The following ESRRG variants were observed in gnomAD, a reference collection of about 807,000 sequenced individuals.
ESRRG encodes the protein estrogen-related receptor gamma.
A neutral mutation model predicts 44.0 loss-of-function variants in ESRRG; 13 were observed. The observed-to-expected ratio is 0.30, with a 90% confidence interval of 0.19 to 0.47. The LOEUF is 0.47. ESRRG is among the 20% of genes least tolerant of loss of function. The pLI, the probability that ESRRG is intolerant of heterozygous loss-of-function variation, is 1.00. For synonymous variants in ESRRG, 215 were observed against 214.6 expected (o/e 1.00, Z -0.02); for missense variants, 395 against 580.6 (o/e 0.68, Z 3.29).
chr1:217,133,181 C>G (rs1418115356), intron 1 of ESRRG, among the ~76,000 whole-genome samples: 3 of 152,226 alleles, frequency 2.0e-5, no homozygotes, highest in Non-Finnish European at 2.9e-5. Context: ...GAGAGCTGAG[C>G]GAGTGAGTCT....
chr1:216,763,168 T>A (rs187221920), intron 2 of ESRRG, among the ~76,000 whole-genome samples: 1 of 152,270 alleles, frequency 6.6e-6, no homozygotes, highest in Admixed American at 6.5e-5. Context: ...ATTTCCTCAA[T>A]TCTACATTTT....
chr1:217,043,906 CACT>C (rs772024763), intron 1 of ESRRG, among the ~76,000 whole-genome samples: 59 of 151,726 alleles, frequency 3.9e-4, no homozygotes, highest in South Asian at 6.3e-4. Context: ...TCCCTAATAC[CACT>C]ACCCAGAGCT....
chr1:216,842,736 A>G (rs1038104708), intron 2 of ESRRG, among the ~76,000 whole-genome samples: 2 of 152,212 alleles, frequency 1.3e-5, no homozygotes, highest in Non-Finnish European at 2.9e-5. Context: ...ATTGGCAGGA[A>G]AGCAATACTA....
intron 2 of ESRRG, among the ~76,000 whole-genome samples, chr1:216,932,889 T>C (rs1179947842): frequency 1.3e-5 from 2 of 151,876 alleles, no homozygotes; most frequent in Non-Finnish European, 2.9e-5. Context: ...TTTTTTTAGA[T>C]CCACAGACAA....
intron 2 of ESRRG, among the ~76,000 whole-genome samples, chr1:216,793,812 C>T (rs1463914333): frequency 6.6e-6 from 1 of 152,154 alleles, no homozygotes; most frequent in Admixed American, 6.6e-5. Flanking sequence ...GGAGCCACAT[C>T]TTATTCATCT....
intron 3 of ESRRG, among the ~76,000 whole-genome samples, chr1:216,611,057 G>C (rs1269398151): frequency 2.0e-5 from 3 of 151,804 alleles, no homozygotes; most frequent in Non-Finnish European, 2.9e-5. Flanking sequence ...ACAAAAATTA[G>C]CTGGGCGTAG....
chr1:216,817,199 TCTC>T (rs1443195650), intron 2 of ESRRG, among the ~76,000 whole-genome samples: 1 of 152,142 alleles, frequency 6.6e-6, no homozygotes, highest in Non-Finnish European at 1.5e-5. Context: ...AATGAACTCT[TCTC>T]CTTTCTACAA....
intron 2 of ESRRG, among the ~76,000 whole-genome samples, chr1:216,923,308 C>T (rs746846986): frequency 2.0e-5 from 3 of 152,210 alleles, no homozygotes; most frequent in Admixed American, 6.5e-5. Context: ...GAAACAGAAC[C>T]CCTCTGCTTT....
chr1:216,619,468 T>A (rs750068658), intron 3 of ESRRG, among the ~76,000 whole-genome samples: 4 of 152,180 alleles, frequency 2.6e-5, no homozygotes, highest in Non-Finnish European at 4.4e-5. Context: ...TAAGATCTCT[T>A]ACCTTCATTG....
chr1:216,544,294 A>G (rs2053787724), intron 5 of ESRRG, among the ~76,000 whole-genome samples: 1 of 152,116 alleles, frequency 6.6e-6, no homozygotes, highest in Non-Finnish European at 1.5e-5. Flanking sequence ...AACATGTTTT[A>G]AAGATTTTAG....
At chr1:216,521,954 G>T (rs573367112) in intron 5 of ESRRG, among the ~76,000 whole-genome samples, 8 of 152,216 alleles carry the variant, frequency 5.3e-5, no homozygotes, top group African/African-American at 1.2e-4. Flanking sequence ...GCACGCTAGC[G>T]ACATTTACGT....
intron 5 of ESRRG, among the ~76,000 whole-genome samples, chr1:216,530,564 C>A (rs955484166): frequency 1.3e-5 from 2 of 152,086 alleles, no homozygotes; most frequent in Admixed American, 6.6e-5. Context: ...CTCACCTACA[C>A]GCACATTAAG....
At chr1:216,846,916 G>T (rs1172679329) in intron 2 of ESRRG, among the ~76,000 whole-genome samples, 1 of 151,576 alleles carries the variant, frequency 6.6e-6, no homozygotes, top group East Asian at 1.9e-4. Context: ...TAATTCAGAT[G>T]CAGAAAGCAA....
At chr1:216,913,927 G>C (rs2060809290) in intron 2 of ESRRG, among the ~76,000 whole-genome samples, 1 of 152,118 alleles carries the variant, frequency 6.6e-6, no homozygotes, top group South Asian at 2.1e-4. Context: ...AGGATGAGGA[G>C]AAAATTTTTA....
intron 1 of ESRRG, among the ~76,000 whole-genome samples, chr1:216,984,061 G>T (rs143958888): frequency 6.6e-6 from 1 of 151,704 alleles, no homozygotes. Context: ...GGGGGGGTAT[G>T]TGGAGGCTCA....
chr1:217,070,007 G>T (rs1405526969), intron 1 of ESRRG, among the ~76,000 whole-genome samples: 2 of 152,106 alleles, frequency 1.3e-5, no homozygotes, highest in African/African-American at 4.8e-5. Flanking sequence ...ACAAAGATGT[G>T]ACTCTCCTCC....
chr1:216,592,279 T>C (rs1391336487), intron 3 of ESRRG, among the ~76,000 whole-genome samples: 1 of 152,186 alleles, frequency 6.6e-6, no homozygotes, highest in Admixed American at 6.5e-5. Flanking sequence ...ATCCTTTGAA[T>C]ATCTTTATTT....
At chr1:216,604,433 G>T (rs997132348) in intron 3 of ESRRG, among the ~76,000 whole-genome samples, 3 of 152,092 alleles carry the variant, frequency 2.0e-5, no homozygotes, top group African/African-American at 7.2e-5. Flanking sequence ...CAATGTCAGG[G>T]CAATGGGTCT....
At chr1:217,115,959 T>A (rs1240743685) in intron 1 of ESRRG, among the ~76,000 whole-genome samples, 1 of 152,186 alleles carries the variant, frequency 6.6e-6, no homozygotes, top group African/African-American at 2.4e-5. Flanking sequence ...AAGAATAAAT[T>A]CATGAGTGAG....
Sources: allele counts gnomAD v4.1 joint callset (sites outside exome capture counted in the v4.1 genomes callset), GRCh38; gene constraint gnomAD v4.1.1; transcripts MANE v1.5; gene names NCBI Gene and HGNC (gene_info 2026-07-23, HGNC 2026-07-21).